The following PKN2 variants were observed in gnomAD, a reference collection of about 807,000 sequenced individuals.
PKN2 encodes the protein serine/threonine-protein kinase N2.
PKN2 carries 38 observed loss-of-function variants against 119.1 expected under a neutral mutation model. The ratio of observed to expected loss-of-function variants is 0.32; its 90% CI spans 0.25 to 0.42. PKN2 has a LOEUF of 0.42. Ranked by LOEUF, PKN2 falls within the 10% of genes least tolerant of loss-of-function variation. The probability of loss-of-function intolerance (pLI) is 1.00; values close to 1 mark genes in which losing one functional copy is unlikely to be tolerated. For missense variants in PKN2, 850 were observed against 1,165.1 expected (o/e 0.73, Z 3.94); for synonymous variants, 390 against 384.9 (o/e 1.01, Z -0.15).
intron 16 of PKN2, among the ~76,000 whole-genome samples, chr1:88,814,244 CAA>C (rs367934213): frequency 7.4e-4 from 113 of 152,244 alleles, no homozygotes; most frequent in African/African-American, 2.6e-3. Context: ...TGCCTCCAGA[CAA>C]AGAGATAAAA....
At chr1:88,743,592 G>A (rs1668656831) in intron 2 of PKN2, among the ~76,000 whole-genome samples, 3 of 152,124 alleles carry the variant, frequency 2.0e-5, no homozygotes, top group Admixed American at 2.0e-4. Context: ...GCATTGTAAT[G>A]TATTTCTGTA....
intron 19 of PKN2, among the ~76,000 whole-genome samples, chr1:88,831,137 A>G (rs1418343627): frequency 6.6e-6 from 1 of 151,934 alleles, no homozygotes; most frequent in Admixed American, 6.6e-5. Flanking sequence ...ACATGGTTTT[A>G]GATACTGTCA....
Position 88,784,380 on chromosome 1 carries a change from G to T in PKN2, c.986-259G>T, listed in dbSNP as rs576059033. On this transcript the variant is annotated intron_variant, in intron 6 of 21. Transcript: ENST00000370521. ...TCAGGCAATCCACCCAAAGTGCTAG[G>T]ATTACAGGCGAGAGAGCTACTGTGC... Among the ~76,000 whole-genome samples the T allele has an allele frequency of 2.1e-4, 32 of 151,936 alleles. No homozygotes were observed. The South Asian group carries it at 6.2e-3, about 30-fold the overall frequency.
intron 8 of PKN2, among the ~76,000 whole-genome samples, chr1:88,801,599 C>T (rs1671313687): frequency 6.6e-6 from 1 of 152,144 alleles, no homozygotes; most frequent in African/African-American, 2.4e-5. Flanking sequence ...CCCACCCTCC[C>T]ACTTATGTTG....
intron 2 of PKN2, among the ~76,000 whole-genome samples, chr1:88,745,327 CTGTT>C (rs1232866669): frequency 2.6e-5 from 4 of 152,290 alleles, no homozygotes; most frequent in East Asian, 1.9e-4. Flanking sequence ...GTGAAATTGT[CTGTT>C]TGTGAACAAC....
At chr1:88,743,926 A>G (rs1031302739) in intron 2 of PKN2, among the ~76,000 whole-genome samples, 21 of 151,686 alleles carry the variant, frequency 1.4e-4, no homozygotes, top group Non-Finnish European at 1.5e-4. Context: ...TATATGAAAT[A>G]TAACTTTATA....
At chr1:88,713,600 C>T (rs928731642) in intron 1 of PKN2, among the ~76,000 whole-genome samples, 1 of 152,144 alleles carries the variant, frequency 6.6e-6, no homozygotes, top group Admixed American at 6.6e-5. Flanking sequence ...CGTTCATATC[C>T]TTTGCCCACT....
In PKN2 at chr1:88,804,371, AT is replaced by A. The variant is rs753599395; in HGVS notation, c.1282-12del. Reference sequence around the variant, plus strand: ...TGATGTCTTTTCTGTTTTCTTTATTATTTTTTTTAATTATCCTAGTCACGTG... The same window carrying A: ...TGATGTCTTTTCTGTTTTCTTTATTATTTTTTTAATTATCCTAGTCACGTG... On this transcript the variant is annotated intron_variant, in intron 8 of 21. Coordinates refer to ENST00000370521, the MANE Select transcript of PKN2 (RefSeq NM_006256.4). 83 of 1,556,950 alleles carry A rather than the reference AT, an allele frequency of 5.3e-5. No homozygotes were observed. Among genetic ancestry groups the A allele is most frequent in the Middle Eastern group, 1.7e-4 (1 of 5,924 alleles).
Position 88,798,929 on chromosome 1 carries a change from G to A in PKN2, c.1282-5462G>A, listed in dbSNP as rs139343471. 5.6e-3 allele frequency among the ~76,000 whole-genome samples: 856 copies of A among 152,038 alleles called. 6 individuals are homozygous for A. Among genetic ancestry groups the A allele is most frequent in the Middle Eastern group, 0.01 (3 of 294 alleles). Reference sequence around the variant, plus strand: ...TGTAGAAGAGATGGATGTTTAACTTGCCCTTGATGAGGAGAATTTGGACTG... The same window carrying A: ...TGTAGAAGAGATGGATGTTTAACTTACCCTTGATGAGGAGAATTTGGACTG... On this transcript the variant is annotated intron_variant, in intron 8 of 21. Coordinates refer to ENST00000370521, the MANE Select transcript of PKN2 (RefSeq NM_006256.4).
intron 2 of PKN2, among the ~76,000 whole-genome samples, chr1:88,743,805 A>G (rs1196761861): frequency 6.6e-6 from 1 of 151,730 alleles, no homozygotes. Flanking sequence ...TGACACTTGA[A>G]ACATTAAATA....
intron 1 of PKN2, among the ~76,000 whole-genome samples, chr1:88,696,448 T>C (rs1666545806): frequency 6.6e-6 from 1 of 152,236 alleles, no homozygotes; most frequent in Non-Finnish European, 1.5e-5. Flanking sequence ...TACTGCTTTA[T>C]GTCTCTGTAT....
At chr1:88,691,238 A>G (rs1666323496) in intron 1 of PKN2, among the ~76,000 whole-genome samples, 2 of 151,444 alleles carry the variant, frequency 1.3e-5, no homozygotes, top group Admixed American at 1.3e-4. Context: ...TGATTTTTAT[A>G]TTTTTTTGGA....
At chr1:88,824,109 C>T (rs758650613) in intron 17 of PKN2, among the ~76,000 whole-genome samples, 1 of 151,766 alleles carries the variant, frequency 6.6e-6, no homozygotes, top group Admixed American at 6.6e-5. Context: ...TCATGAGCTA[C>T]CTTATATAGA....
intron 6 of PKN2, chr1:88,781,195 C>A: frequency 7.9e-7 from 1 of 1,262,128 alleles, no homozygotes; most frequent in Non-Finnish European, 1.0e-6. Context: ...TTTTTCACTG[C>A]ATGCTATTAT....
At chr1:88,734,902 C>T (rs1428922792) in intron 1 of PKN2, among the ~76,000 whole-genome samples, 1 of 152,194 alleles carries the variant, frequency 6.6e-6, no homozygotes, top group Non-Finnish European at 1.5e-5. Flanking sequence ...ACTCCATTTT[C>T]TCCCACATTT....
At chr1:88,701,937 A>AG (rs575559167) in intron 1 of PKN2, among the ~76,000 whole-genome samples, 2 of 152,186 alleles carry the variant, frequency 1.3e-5, no homozygotes, top group African/African-American at 4.8e-5. Flanking sequence ...ACTTTAGAGG[A>AG]GGGAGTGGTC....
chr1:88,777,487 T>C (rs564993091), intron 6 of PKN2, among the ~76,000 whole-genome samples: 3 of 152,330 alleles, frequency 2.0e-5, no homozygotes, highest in African/African-American at 7.2e-5. Flanking sequence ...TTCCTTAGTA[T>C]ACTTACTCAC....
chr1:88,791,407 G>A (rs1451068357), intron 8 of PKN2, among the ~76,000 whole-genome samples: 1 of 148,506 alleles, frequency 6.7e-6, no homozygotes, highest in Non-Finnish European at 1.5e-5. Context: ...ACTGCACTGA[G>A]CAACAGAGTG....
intron 16 of PKN2, among the ~76,000 whole-genome samples, chr1:88,816,277 T>G (rs1328330138): frequency 6.6e-6 from 1 of 152,158 alleles, no homozygotes; most frequent in Non-Finnish European, 1.5e-5. Flanking sequence ...GACAGAGTCT[T>G]GCTCCGTCTC....
Sources: allele counts gnomAD v4.1 joint callset (sites outside exome capture counted in the v4.1 genomes callset), GRCh38; gene constraint gnomAD v4.1.1; transcripts MANE v1.5; gene names NCBI Gene and HGNC (gene_info 2026-07-23, HGNC 2026-07-21).